Variants in GGA2 observed in about 807,000 individuals in gnomAD.
GGA2 encodes the protein ADP-ribosylation factor-binding protein GGA2.
Under a neutral mutation model 79.5 loss-of-function variants are expected in GGA2, and 48 were observed. The observed-to-expected ratio is 0.60, with a 90% CI of 0.48 to 0.77. The LOEUF (loss-of-function observed/expected upper bound fraction) is 0.77, where lower values mean the gene tolerates loss of function less well. Among genes scored for constraint, GGA2 ranks in the 30% least tolerant of loss-of-function variants. GGA2 has a pLI of 0.00. For missense variants in GGA2, 770 were observed against 774.0 expected (o/e 0.99, Z 0.06); for synonymous variants, 317 against 302.0 (o/e 1.05, Z -0.51).
At chr16:23,505,849 C>T (rs949834456) in intron 1 of GGA2, among the ~76,000 whole-genome samples, 1 of 152,192 alleles carries the variant, frequency 6.6e-6, no homozygotes, top group African/African-American at 2.4e-5. Flanking sequence ...AAGAGCAAAG[C>T]AGAGAAAATT....
In GGA2 at chr16:23,479,209, G is replaced by A. The variant is rs369012215; in HGVS notation, c.1130-298C>T. 5.3e-5 allele frequency among the ~76,000 whole-genome samples: 8 copies of A among 151,306 alleles called. No homozygotes were observed. In the East Asian group the frequency reaches 1.4e-3, roughly 26 times the overall value. The stretch of plus-strand genomic sequence containing the variant: ...CAGCAGCAGGTATGTGCTTCCTGAG[G>A]GGACCAGCTCACTCCCCTACTCAAA... On this transcript the variant is annotated intron_variant, in intron 11 of 16. Coordinates refer to ENST00000309859, the MANE Select transcript of GGA2 (RefSeq NM_015044.4).
At chr16:23,500,500 G>C (rs1217297013) in intron 1 of GGA2, among the ~76,000 whole-genome samples, 1 of 152,234 alleles carries the variant, frequency 6.6e-6, no homozygotes, top group East Asian at 1.9e-4. Flanking sequence ...GGAACACGCT[G>C]TTGCCCAATG....
chr16:23,496,336 C>T (rs921021404), intron 1 of GGA2, among the ~76,000 whole-genome samples: 1 of 147,586 alleles, frequency 6.8e-6, no homozygotes, highest in Non-Finnish European at 1.5e-5. Context: ...AATTAACTGA[C>T]AAGTTATTCC....
At chr16:23,507,621 A>ATCTC (rs377664675) in intron 1 of GGA2, among the ~76,000 whole-genome samples, 2 of 142,814 alleles carry the variant, frequency 1.4e-5, no homozygotes, top group South Asian at 2.2e-4. Context: ...ATGAAACTCC[A>ATCTC]TCTCTCTCTC....
Position 23,483,004 on chromosome 16 carries a change from C to A in GGA2, c.799G>T (p.Val267Phe). Residue 267 changes from valine (V) to phenylalanine (F), a missense_variant and splice_region_variant, in exon 9 of 17, where the codon GTC (valine) becomes TTC (phenylalanine). Coordinates refer to ENST00000309859, the MANE Select transcript of GGA2 (RefSeq NM_015044.4). ...QAPPDQEALQVVYERCEKLRP... is the reference protein window; with the variant it reads ...QAPPDQEALQFVYERCEKLRP... The stretch of plus-strand genomic sequence containing the variant: ...AGCTTTTCACACCTCTCATACACGA[C>A]CTGAAAGAGCAGAGCTTGGTTCATG... 2 of 1,606,428 alleles carry A rather than the reference C, an allele frequency of 1.2e-6. No homozygotes were observed. The highest frequency in any genetic ancestry group is 1.7e-6 in the Non-Finnish European group (2 of 1,173,098).
At chr16:23,508,910 G>T (rs926329558) in intron 1 of GGA2, among the ~76,000 whole-genome samples, 2 of 152,050 alleles carry the variant, frequency 1.3e-5, no homozygotes, top group Non-Finnish European at 2.9e-5. Flanking sequence ...TGAAACCCGC[G>T]ATCTAGCCTA....
chr16:23,500,327 G>A (rs1964906768), intron 1 of GGA2, among the ~76,000 whole-genome samples: 1 of 152,268 alleles, frequency 6.6e-6, no homozygotes, highest in Non-Finnish European at 1.5e-5. Flanking sequence ...GAGCCGAGCT[G>A]CCTCACGGGG....
chr16:23,499,188 G>T (rs1381597848), intron 1 of GGA2, among the ~76,000 whole-genome samples: 1 of 140,228 alleles, frequency 7.1e-6, no homozygotes, highest in Non-Finnish European at 1.5e-5. Flanking sequence ...TCTGTCACCC[G>T]GGCTGGTGTG....
At chr16:23,493,936 C>A (rs1964822195) in intron 3 of GGA2, 1 of 313,688 alleles carries the variant, frequency 3.2e-6, no homozygotes, top group African/African-American at 2.1e-5. Flanking sequence ...ATACAAAGAC[C>A]TAAACTAGCA....
At chr16:23,473,663 T>C (rs1022461019) in intron 14 of GGA2, among the ~76,000 whole-genome samples, 1 of 152,178 alleles carries the variant, frequency 6.6e-6, no homozygotes, top group Non-Finnish European at 1.5e-5. Context: ...ATTTTGAACA[T>C]GTATTTTTGT....
chr16:23,469,900 G>A (rs1964487482), intron 15 of GGA2, 96 bp downstream of exon 15: 1 of 905,546 alleles, frequency 1.1e-6, no homozygotes, highest in Admixed American at 2.9e-5. Flanking sequence ...TTTGAGTGAA[G>A]ATTCTTTCCT....
chr16:23,471,909 TAAAAAAATTTAA>T (rs1964515430), intron 14 of GGA2, among the ~76,000 whole-genome samples: 1 of 151,854 alleles, frequency 6.6e-6, no homozygotes, highest in Admixed American at 6.6e-5. Context: ...GCCCCATCTC[TAAAAAAATTTAA>T]AAAAAAATTA....
chr16:23,496,039 C>G (rs552346242), intron 1 of GGA2, among the ~76,000 whole-genome samples: 3 of 152,110 alleles, frequency 2.0e-5, no homozygotes, highest in African/African-American at 4.8e-5. Context: ...GTGGCTCATG[C>G]CTGTAATCCC....
At chr16:23,469,250 G>A (rs1964480945) in intron 15 of GGA2, 4 of 387,046 alleles carry the variant, frequency 1.0e-5, no homozygotes, top group South Asian at 4.3e-5. Flanking sequence ...CATCTGAGAC[G>A]CAGCATCAAC....
At chr16:23,489,806 G>A (rs1054307873) in intron 5 of GGA2, among the ~76,000 whole-genome samples, 1 of 152,184 alleles carries the variant, frequency 6.6e-6, no homozygotes, top group Non-Finnish European at 1.5e-5. Flanking sequence ...GGATTAGGGG[G>A]AGAAGAGTAA....
At chr16:23,514,450 T>C (rs1333420157), upstream of GGA2, among the ~76,000 whole-genome samples, 1 of 152,018 alleles carries the variant, frequency 6.6e-6, no homozygotes, top group Non-Finnish European at 1.5e-5. Context: ...TTTTCTCTTG[T>C]TAGCCTTTTT....
intron 8 of GGA2, among the ~76,000 whole-genome samples, chr16:23,483,586 C>T (rs990321628): frequency 1.1e-4 from 17 of 152,114 alleles, no homozygotes; most frequent in African/African-American, 4.1e-4. Flanking sequence ...CAAGGGAGAC[C>T]AACAGCATGG....
chr16:23,473,650 T>C (rs1964542699), intron 14 of GGA2, among the ~76,000 whole-genome samples: 1 of 152,220 alleles, frequency 6.6e-6, no homozygotes, highest in Non-Finnish European at 1.5e-5. Context: ...AATAAAACTC[T>C]ACATTTTGAA....
At chr16:23,479,553 T>A (rs1024258984) in intron 11 of GGA2, among the ~76,000 whole-genome samples, 7 of 151,378 alleles carry the variant, frequency 4.6e-5, no homozygotes, top group Admixed American at 1.3e-4. Context: ...AGCAGACACG[T>A]GCTTCCCAAG....
Sources: allele counts gnomAD v4.1 joint callset (sites outside exome capture counted in the v4.1 genomes callset), GRCh38; gene constraint gnomAD v4.1.1; transcripts MANE v1.5; gene names NCBI Gene and HGNC (gene_info 2026-07-23, HGNC 2026-07-21).